Variants in PTAFR observed in about 807,000 individuals in gnomAD.
The protein encoded by PTAFR is platelet activating factor receptor, also known as platelet-activating factor receptor.
PTAFR carries 8 observed loss-of-function variants against 14.7 expected under a neutral mutation model. The ratio of observed to expected loss-of-function variants is 0.54; its 90% CI spans 0.32 to 0.98. PTAFR has a LOEUF of 0.98. Ranked by LOEUF, PTAFR falls within the 50% of genes least tolerant of loss-of-function variation. PTAFR has a pLI of 0.04. For missense variants in PTAFR, 337 were observed against 451.2 expected, an observed-to-expected ratio of 0.75 and a Z score of 2.29; for synonymous variants, 156 against 176.5, an observed-to-expected ratio of 0.88 and a Z score of 0.92.
intron 1 of PTAFR, among the ~76,000 whole-genome samples, chr1:28,166,546 C>G (rs1646387169): frequency 6.6e-6 from 1 of 152,062 alleles, no homozygotes; most frequent in Admixed American, 6.6e-5. Context: ...TGGCGGGTGC[C>G]TGTAATCCCA....
chr1:28,173,433 C>T (rs979098254), intron 1 of PTAFR, among the ~76,000 whole-genome samples: 20 of 151,860 alleles, frequency 1.3e-4, no homozygotes, highest in Admixed American at 1.3e-3. Context: ...TGTCAAACCC[C>T]ACCTCTACAA....
intron 1 of PTAFR, among the ~76,000 whole-genome samples, chr1:28,192,791 C>A (rs1244749630): frequency 9.9e-5 from 15 of 151,898 alleles, no homozygotes. Context: ...GGATTACAGG[C>A]ACCCGCCACC....
intron 1 of PTAFR, among the ~76,000 whole-genome samples, chr1:28,173,269 CAG>C (rs1249808562): frequency 8.2e-6 from 1 of 122,028 alleles, no homozygotes; most frequent in Non-Finnish European, 1.6e-5. Context: ...GCCTGGGTGA[CAG>C]AGCAAGACTG....
At chr1:28,191,580 A>T (rs2149010227) in intron 1 of PTAFR, among the ~76,000 whole-genome samples, 1 of 144,194 alleles carries the variant, frequency 6.9e-6, no homozygotes, top group Non-Finnish European at 1.5e-5. Flanking sequence ...CAAAAAGAAA[A>T]AAGAAAAGAG....
chr1:28,184,475 G>A (rs1273838281), intron 1 of PTAFR, among the ~76,000 whole-genome samples: 1 of 151,934 alleles, frequency 6.6e-6, no homozygotes, highest in Non-Finnish European at 1.5e-5. Flanking sequence ...AGCCCCCCAG[G>A]GCCTTCCATC....
intron 1 of PTAFR, among the ~76,000 whole-genome samples, chr1:28,169,551 G>A (rs1241160013): frequency 2.0e-5 from 3 of 152,116 alleles, no homozygotes; most frequent in African/African-American, 7.2e-5. Context: ...ACAAACCTGG[G>A]TTCAGATCTT....
chr1:28,167,594 C>T (rs973106392), intron 1 of PTAFR, among the ~76,000 whole-genome samples: 13 of 146,788 alleles, frequency 8.9e-5, no homozygotes, highest in Admixed American at 6.8e-4. Context: ...AACAGTTCCG[C>T]TCTGGGTATA....
At chr1:28,153,464 G>A (rs1646220055) in intron 1 of PTAFR, among the ~76,000 whole-genome samples, 1 of 151,706 alleles carries the variant, frequency 6.6e-6, no homozygotes, top group Admixed American at 6.6e-5. Flanking sequence ...GAGCGCAGTA[G>A]GCCAGGCGTG....
intron 1 of PTAFR, among the ~76,000 whole-genome samples, chr1:28,174,303 G>A (rs1572043815): frequency 6.6e-6 from 1 of 152,018 alleles, no homozygotes; most frequent in Non-Finnish European, 1.5e-5. Flanking sequence ...ACCCATCTAG[G>A]GGATCAGAAC....
chr1:28,174,617 C>A (rs1212382615), intron 1 of PTAFR, among the ~76,000 whole-genome samples: 1 of 152,184 alleles, frequency 6.6e-6, no homozygotes, highest in Non-Finnish European at 1.5e-5. Context: ...AGAGCTGGGA[C>A]CAGATACTGG....
At chr1:28,173,546 G>A (rs1375902472) in intron 1 of PTAFR, among the ~76,000 whole-genome samples, 3 of 151,844 alleles carry the variant, frequency 2.0e-5, no homozygotes, top group Admixed American at 1.3e-4. Context: ...AGCTACTCGA[G>A]AGACTGAGGT....
chr1:28,162,128 C>T (rs1646330230), intron 1 of PTAFR, among the ~76,000 whole-genome samples: 1 of 152,156 alleles, frequency 6.6e-6, no homozygotes, highest in Non-Finnish European at 1.5e-5. Context: ...CGGAGAGCTG[C>T]TTCAGTGTCG....
At chr1:28,161,984 G>A (rs1349777492) in intron 1 of PTAFR, among the ~76,000 whole-genome samples, 1 of 152,162 alleles carries the variant, frequency 6.6e-6, no homozygotes, top group Non-Finnish European at 1.5e-5. Flanking sequence ...TTCTGAAGTA[G>A]GAACAAGAAA....
intron 1 of PTAFR, among the ~76,000 whole-genome samples, chr1:28,158,144 G>A (rs568062235): frequency 5.3e-5 from 8 of 152,144 alleles, no homozygotes; most frequent in South Asian, 4.2e-4. Context: ...ATAGATAAGC[G>A]GGCGGTGCTA....
intron 1 of PTAFR, among the ~76,000 whole-genome samples, chr1:28,162,062 G>C (rs1481071319): frequency 3.9e-5 from 6 of 152,172 alleles, no homozygotes; most frequent in African/African-American, 1.4e-4. Context: ...GAGGACACCT[G>C]GCTGCAGATC....
intron 1 of PTAFR, among the ~76,000 whole-genome samples, chr1:28,166,526 C>T (rs1646386871): frequency 6.6e-6 from 1 of 152,036 alleles, no homozygotes; most frequent in African/African-American, 2.4e-5. Context: ...CAAAAAGTAG[C>T]CAGGCATGAT....
At chr1:28,188,676 CG>C (rs1646625657) in intron 1 of PTAFR, among the ~76,000 whole-genome samples, 1 of 151,264 alleles carries the variant, frequency 6.6e-6, no homozygotes, top group Non-Finnish European at 1.5e-5. Context: ...TGGAGGAACC[CG>C]GGAGATCGCA....
At chr1:28,152,039 T>A (rs1289828944) in intron 1 of PTAFR, among the ~76,000 whole-genome samples, 1 of 152,034 alleles carries the variant, frequency 6.6e-6, no homozygotes, top group Non-Finnish European at 1.5e-5. Context: ...ACTACAGGTA[T>A]GCGTGTGACA....
At chr1:28,182,853 G>GT (rs1646573308) in intron 1 of PTAFR, among the ~76,000 whole-genome samples, 1 of 152,058 alleles carries the variant, frequency 6.6e-6, no homozygotes, top group African/African-American at 2.4e-5. Context: ...GCTAATTTTT[G>GT]TATTTGTAGT....
Sources: allele counts gnomAD v4.1 joint callset (sites outside exome capture counted in the v4.1 genomes callset), GRCh38; gene constraint gnomAD v4.1.1; transcripts MANE v1.5; gene names NCBI Gene and HGNC (gene_info 2026-07-23, HGNC 2026-07-21).